Variants in KHDRBS2 observed in about 807,000 individuals in gnomAD.
The protein encoded by KHDRBS2 is KH domain-containing, RNA-binding, signal transduction-associated protein 2.
A neutral mutation model predicts 44.3 loss-of-function variants in KHDRBS2; 26 were observed. The ratio of observed to expected loss-of-function variants is 0.59; its 90% CI spans 0.43 to 0.81. KHDRBS2 has a LOEUF of 0.81. KHDRBS2 is among the 40% of genes least tolerant of loss of function. KHDRBS2 has a pLI of 0.00. For missense variants in KHDRBS2, 476 were observed against 433.1 expected (o/e 1.10, Z -0.88); for synonymous variants, 194 against 151.1 (o/e 1.28, Z -2.08).
chr6:61,783,066 A>G (rs1783255670), intron 6 of KHDRBS2, among the ~76,000 whole-genome samples: 1 of 152,092 alleles, frequency 6.6e-6, no homozygotes, highest in Non-Finnish European at 1.5e-5. Context: ...GATGTGTAAC[A>G]TTATTACAGG....
chr6:62,271,516 TGTTA>T (rs1840088715), intron 1 of KHDRBS2, among the ~76,000 whole-genome samples: 1 of 152,214 alleles, frequency 6.6e-6, no homozygotes, highest in African/African-American at 2.4e-5. Flanking sequence ...AAAAATTACT[TGTTA>T]AACAGGCTCA....
chr6:62,015,382 A>G (rs1388193953), intron 3 of KHDRBS2, among the ~76,000 whole-genome samples: 1 of 152,152 alleles, frequency 6.6e-6, no homozygotes, highest in African/African-American at 2.4e-5. Flanking sequence ...TTGGCTTTAT[A>G]AGATGTAAGG....
chr6:61,546,967 T>G, the KHDRBS2 span, among the ~76,000 whole-genome samples: 1 of 152,044 alleles, frequency 6.6e-6, no homozygotes, highest in East Asian at 1.9e-4. Context: ...CAACTCAGGG[T>G]GCAAGGTTGA....
intron 4 of KHDRBS2, among the ~76,000 whole-genome samples, chr6:61,921,602 C>T (rs750938302): frequency 6.6e-6 from 1 of 151,916 alleles, no homozygotes; most frequent in Non-Finnish European, 1.5e-5. Context: ...GACACATCTC[C>T]AACACACTCT....
intron 6 of KHDRBS2, among the ~76,000 whole-genome samples, chr6:61,734,215 A>G (rs1385727215): frequency 6.6e-6 from 1 of 151,958 alleles, no homozygotes. Flanking sequence ...TTTTCATTAT[A>G]TTTTTGCTCT....
intron 7 of KHDRBS2, among the ~76,000 whole-genome samples, chr6:61,698,495 A>G (rs1488077457): frequency 3.9e-5 from 6 of 152,116 alleles, no homozygotes; most frequent in Admixed American, 1.3e-4. Context: ...TTAAATGAGT[A>G]TGCTATCCTT....
chr6:61,764,198 T>C (rs1249869990), intron 6 of KHDRBS2, among the ~76,000 whole-genome samples: 6 of 152,232 alleles, frequency 3.9e-5, no homozygotes, highest in Admixed American at 1.3e-4. Flanking sequence ...TTCTGTGGTG[T>C]ATATGTACCA....
chr6:61,813,846 CTTCCAGTGCATAGAAGT>C, intron 6 of KHDRBS2: 1 of 429,718 alleles, frequency 2.3e-6, no homozygotes, highest in South Asian at 1.7e-5. Flanking sequence ...CCTTGGTGAC[CTTCCAGTGCATAGAAGT>C]AGTAGTATGA....
the KHDRBS2 span, among the ~76,000 whole-genome samples, chr6:61,641,067 C>A: frequency 3.9e-5 from 6 of 152,096 alleles, no homozygotes; most frequent in Non-Finnish European, 8.8e-5. Flanking sequence ...GGGAACACAA[C>A]CTCCAAAGAA....
chr6:61,637,755 G>A, the KHDRBS2 span, among the ~76,000 whole-genome samples: 9 of 151,964 alleles, frequency 5.9e-5, no homozygotes, highest in African/African-American at 2.2e-4. Context: ...ATCTCATTGT[G>A]GTTTTGATTT....
intron 2 of KHDRBS2, among the ~76,000 whole-genome samples, chr6:62,100,611 C>G (rs1801640412): frequency 6.6e-6 from 1 of 152,292 alleles, no homozygotes; most frequent in Admixed American, 6.5e-5. Flanking sequence ...CAGCAGCCAT[C>G]AAGATCAAGT....
intron 6 of KHDRBS2, among the ~76,000 whole-genome samples, chr6:61,754,727 A>T (rs1778235958): frequency 6.6e-6 from 1 of 152,132 alleles, no homozygotes; most frequent in African/African-American, 2.4e-5. Context: ...AAATCAAGAG[A>T]TGGATGCAAC....
the KHDRBS2 span, among the ~76,000 whole-genome samples, chr6:61,621,342 C>T: frequency 6.6e-6 from 1 of 152,190 alleles, no homozygotes; most frequent in Non-Finnish European, 1.5e-5. Flanking sequence ...CTTGTATTGA[C>T]TCCTGTAAAG....
chr6:62,152,576 CATCTA>C (rs1210899154), intron 2 of KHDRBS2, among the ~76,000 whole-genome samples: 1 of 152,196 alleles, frequency 6.6e-6, no homozygotes, highest in East Asian at 1.9e-4. Flanking sequence ...ATACACTACT[CATCTA>C]ATCTATCAGA....
chr6:61,608,424 AT>A, the KHDRBS2 span, among the ~76,000 whole-genome samples: 527 of 151,560 alleles, frequency 3.5e-3, 2 homozygotes, highest in Non-Finnish European at 5.5e-3. Context: ...ATGGTATTTA[AT>A]TTTTTTTCTT....
chr6:62,285,722 T>C (rs1842393009), intron 1 of KHDRBS2, 136 bp downstream of exon 1: 2 of 618,570 alleles, frequency 3.2e-6, no homozygotes, highest in Admixed American at 2.8e-5. Flanking sequence ...GCCCGAGCTC[T>C]AAGGCGAGCA....
intron 2 of KHDRBS2, among the ~76,000 whole-genome samples, chr6:62,117,547 C>T (rs1806567665): frequency 6.6e-6 from 1 of 151,838 alleles, no homozygotes. Flanking sequence ...TTTTCCTATT[C>T]TGTGTGTTGT....
At chr6:62,101,844 G>A (rs1333279354) in intron 2 of KHDRBS2, among the ~76,000 whole-genome samples, 2 of 152,186 alleles carry the variant, frequency 1.3e-5, no homozygotes, top group East Asian at 1.9e-4. Context: ...CTTTATTTCT[G>A]CATCATTCTT....
intron 3 of KHDRBS2, among the ~76,000 whole-genome samples, chr6:62,034,774 A>G (rs1784977701): frequency 6.6e-6 from 1 of 151,686 alleles, no homozygotes; most frequent in South Asian, 2.1e-4. Context: ...TTGTTACTGA[A>G]CATAGTACTG....
Sources: allele counts gnomAD v4.1 joint callset (sites outside exome capture counted in the v4.1 genomes callset), GRCh38; gene constraint gnomAD v4.1.1; transcripts MANE v1.5; gene names NCBI Gene and HGNC (gene_info 2026-07-23, HGNC 2026-07-21).